Variants in THSD7A observed in about 807,000 individuals in gnomAD.
The protein encoded by THSD7A is thrombospondin type 1 domain containing 7A, also known as thrombospondin type-1 domain-containing protein 7A.
A neutral mutation model predicts 231.3 loss-of-function variants in THSD7A; 96 were observed. The ratio of observed to expected loss-of-function variants is 0.41; its 90% confidence interval spans 0.35 to 0.49. The LOEUF (loss-of-function observed/expected upper bound fraction) is 0.49, where lower values mean the gene tolerates loss of function less well. Among genes scored for constraint, THSD7A ranks in the 20% least tolerant of loss-of-function variants. The pLI is 0.05. For missense variants in THSD7A, 2,290 were observed against 2,070.2 expected (o/e 1.11, Z -2.06); for synonymous variants, 940 against 743.3 (o/e 1.26, Z -4.30).
chr7:11,741,846 T>G (rs1008062337), intron 1 of THSD7A, among the ~76,000 whole-genome samples: 1 of 151,958 alleles, frequency 6.6e-6, no homozygotes, highest in East Asian at 1.9e-4. Flanking sequence ...TAAAACTACC[T>G]TAAGTTTGTA....
intron 23 of THSD7A, chr7:11,385,198 G>A (rs910434179): frequency 1.9e-4 from 29 of 150,522 alleles, no homozygotes; most frequent in Admixed American, 6.6e-4. Flanking sequence ...CCAAACAGTC[G>A]TCTATAAATT....
intron 1 of THSD7A, among the ~76,000 whole-genome samples, chr7:11,778,020 A>G (rs1392270645): frequency 3.4e-5 from 5 of 148,772 alleles, no homozygotes; most frequent in Admixed American, 1.3e-4. Flanking sequence ...AGCCGGGCGT[A>G]GTGGCGGGCG....
At chr7:11,653,539 G>A (rs1368345403) in intron 1 of THSD7A, among the ~76,000 whole-genome samples, 1 of 149,216 alleles carries the variant, frequency 6.7e-6, no homozygotes, top group African/African-American at 2.5e-5. Flanking sequence ...CCAGGCTGTA[G>A]TGCAGTGAGT....
At chr7:11,415,879 C>T (rs1388974136) in intron 17 of THSD7A, among the ~76,000 whole-genome samples, 2 of 152,204 alleles carry the variant, frequency 1.3e-5, no homozygotes, top group East Asian at 3.9e-4. Context: ...CTAGCTGTTT[C>T]TGAACCTCAC....
intron 1 of THSD7A, among the ~76,000 whole-genome samples, chr7:11,768,697 C>G (rs185042605): frequency 1.3e-5 from 2 of 152,024 alleles, no homozygotes; most frequent in Non-Finnish European, 2.9e-5. Flanking sequence ...ATATTTTATA[C>G]CTTAGTTTGA....
intron 11 of THSD7A, among the ~76,000 whole-genome samples, chr7:11,457,534 C>T: frequency 6.6e-6 from 1 of 152,076 alleles, no homozygotes; most frequent in East Asian, 1.9e-4. Flanking sequence ...ACTGCTACAG[C>T]AGCATACTAG....
At chr7:11,680,996 A>G (rs1045282281) in intron 1 of THSD7A, among the ~76,000 whole-genome samples, 1 of 152,212 alleles carries the variant, frequency 6.6e-6, no homozygotes, top group Non-Finnish European at 1.5e-5. Context: ...TGTGGCACAT[A>G]TACACCATAG....
chr7:11,752,930 GTCAATCAA>G (rs59311662), intron 1 of THSD7A, among the ~76,000 whole-genome samples: 3,837 of 150,822 alleles, frequency 0.025, 181 homozygotes, highest in African/African-American at 0.089. Flanking sequence ...CCCTGTCTCA[GTCAATCAA>G]TCAATCAATC....
chr7:11,777,390 A>G (rs937175966), intron 1 of THSD7A, among the ~76,000 whole-genome samples: 3 of 151,208 alleles, frequency 2.0e-5, no homozygotes, highest in African/African-American at 7.3e-5. Flanking sequence ...TGTAAAAAAA[A>G]CTATGTTTCA....
intron 18 of THSD7A, 82 bp downstream of exon 18, chr7:11,412,574 G>A: frequency 6.6e-7 from 1 of 1,520,948 alleles, no homozygotes; most frequent in Non-Finnish European, 9.0e-7. Flanking sequence ...AGGTAGAGAT[G>A]AACTATACTG....
At chr7:11,752,785 G>C (rs1255473415) in intron 1 of THSD7A, among the ~76,000 whole-genome samples, 2 of 151,906 alleles carry the variant, frequency 1.3e-5, no homozygotes, top group African/African-American at 4.8e-5. Context: ...TATTAGCCAG[G>C]TGTGGTGGCA....
At position 11,481,899 on chromosome 7, in the gene THSD7A, C is replaced by T; in HGVS notation, c.1906G>A (p.Val636Met). ...GACCACGTAGACCATGTGCTGAGCA[C>T]ACAGTCTTTCGGGCATGGGGCATCA... ...ACDAPCPKDC[V>M]LSTWSTWSSC... is the part of the protein sequence containing the mutation. Residue 636 changes from valine (V) to methionine (M), a missense_variant, in exon 7 of 28, where the codon GTG becomes ATG. By Grantham distance (21) the Val-to-Met change is conservative. Transcript: ENST00000423059. The T allele has an allele frequency of 6.2e-7, 1 of 1,613,764 alleles. No individual in the cohort carries two copies. The highest frequency in any genetic ancestry group is 8.5e-7 in the Non-Finnish European group (1 of 1,179,732).
In THSD7A at chr7:11,382,738, C is replaced by G. The variant is rs1288618198; in HGVS notation, c.4412-122G>C. ...AGCTCATCTCTGATGATTCAAATGT[C>G]AATTTATTGTCCTGAAGTTGCCATG... On this transcript the variant is annotated intron_variant, in intron 23 of 27. Transcript: ENST00000423059. The G allele has an allele frequency of 5.0e-6, 4 of 802,590 alleles. No homozygotes were observed. The African/African-American group carries it at 5.1e-5, about 10-fold the overall frequency. 49.7% of individuals were successfully genotyped at this position (802,590 alleles called of 1,614,324 possible).
chr7:11,463,019 C>A (rs971977772), intron 9 of THSD7A, among the ~76,000 whole-genome samples: 1 of 152,078 alleles, frequency 6.6e-6, no homozygotes, highest in Non-Finnish European at 1.5e-5. Context: ...CAAAATAATT[C>A]TCTAAAGAAT....
intron 1 of THSD7A, among the ~76,000 whole-genome samples, chr7:11,789,858 C>T (rs761325080): frequency 6.6e-6 from 1 of 151,964 alleles, no homozygotes; most frequent in Non-Finnish European, 1.5e-5. Context: ...GGGTGCACTT[C>T]TTCCTAAGTA....
intron 16 of THSD7A, 41 bp from the exon 17 acceptor site, chr7:11,417,644 A>G: frequency 1.3e-6 from 2 of 1,565,942 alleles, no homozygotes; most frequent in East Asian, 4.6e-5. Context: ...ATATACATAC[A>G]TTCTAGAAGT....
chr7:11,696,840 T>C (rs1267554130), intron 1 of THSD7A, among the ~76,000 whole-genome samples: 1 of 151,376 alleles, frequency 6.6e-6, no homozygotes, highest in African/African-American at 2.4e-5. Context: ...ATAGAGTAAG[T>C]AGTAATGTAA....
intron 15 of THSD7A, 118 bp downstream of exon 15, chr7:11,426,548 A>C: frequency 8.9e-7 from 1 of 1,120,560 alleles, no homozygotes; most frequent in Middle Eastern, 2.0e-4. Flanking sequence ...GGAAAATATG[A>C]CATTTTCTCC....
chr7:11,735,037 GTCT>G (rs944763267), intron 1 of THSD7A, among the ~76,000 whole-genome samples: 3 of 151,844 alleles, frequency 2.0e-5, no homozygotes, highest in African/African-American at 7.2e-5. Flanking sequence ...CTTCAAATAA[GTCT>G]TCTTACATGT....
Sources: gnomAD v4.1 joint callset for allele counts (sites outside exome capture counted in the v4.1 genomes callset) on GRCh38, gnomAD v4.1.1 for gene constraint, MANE v1.5 for transcripts, NCBI Gene and HGNC (gene_info 2026-07-23, HGNC 2026-07-21) for gene names.